Variants in LDLRAD4 observed in about 807,000 individuals in gnomAD.
The protein encoded by LDLRAD4 is low-density lipoprotein receptor class A domain-containing protein 4.
LDLRAD4 carries 5 observed loss-of-function variants against 17.0 expected under a neutral mutation model. That is an observed-to-expected ratio of 0.29 (90% CI 0.15 to 0.62). The LOEUF (loss-of-function observed/expected upper bound fraction) is 0.62, where lower values mean the gene tolerates loss of function less well. LDLRAD4 is among the 20% of genes least tolerant of loss of function. The pLI, the probability that LDLRAD4 is intolerant of heterozygous loss-of-function variation, is 0.84. For missense variants in LDLRAD4, 340 were observed against 424.7 expected (o/e 0.80, Z 1.75); for synonymous variants, 168 against 171.8 (o/e 0.98, Z 0.17).
intron 3 of LDLRAD4, among the ~76,000 whole-genome samples, chr18:13,567,033 C>A (rs529863051): frequency 6.6e-6 from 1 of 152,314 alleles, no homozygotes; most frequent in South Asian, 2.1e-4. Context: ...AGCCTAGAAC[C>A]AAGCCGCGCC....
intron 3 of LDLRAD4, among the ~76,000 whole-genome samples, chr18:13,462,450 G>T (rs1356104416): frequency 1.3e-5 from 2 of 152,174 alleles, no homozygotes. Context: ...CACACAGCCA[G>T]GTAGGGGGCT....
chr18:13,558,028 C>A (rs1160001885), intron 3 of LDLRAD4, among the ~76,000 whole-genome samples: 1 of 152,164 alleles, frequency 6.6e-6, no homozygotes, highest in Non-Finnish European at 1.5e-5. Flanking sequence ...CTTTGATTGG[C>A]ACTTTAAAAG....
chr18:13,633,960 G>C (rs968281957), intron 4 of LDLRAD4, among the ~76,000 whole-genome samples: 1 of 152,212 alleles, frequency 6.6e-6, no homozygotes, highest in Non-Finnish European at 1.5e-5. Flanking sequence ...CTTCACAGCA[G>C]CTGCTCCAGA....
chr18:13,272,670 G>A (rs143447973), intron 1 of LDLRAD4, among the ~76,000 whole-genome samples: 63 of 152,356 alleles, frequency 4.1e-4, no homozygotes, highest in Non-Finnish European at 6.6e-4. Flanking sequence ...AGGCGGTCAT[G>A]CTTTAGGCTG....
chr18:13,266,717 C>T (rs1390322364), intron 1 of LDLRAD4, among the ~76,000 whole-genome samples: 1 of 152,268 alleles, frequency 6.6e-6, no homozygotes. Context: ...GCAAGCCCAG[C>T]ACCGCAGTCC....
chr18:13,576,245 A>T (rs924242727), intron 3 of LDLRAD4, among the ~76,000 whole-genome samples: 2 of 152,064 alleles, frequency 1.3e-5, no homozygotes, highest in African/African-American at 4.8e-5. Context: ...AACACGGGGA[A>T]ACCTGTCTCT....
At chr18:13,523,458 C>T (rs1479708985) in intron 3 of LDLRAD4, among the ~76,000 whole-genome samples, 1 of 152,214 alleles carries the variant, frequency 6.6e-6, no homozygotes, top group African/African-American at 2.4e-5. Context: ...GCTGACGGTA[C>T]AGGCGAATGC....
intron 3 of LDLRAD4, among the ~76,000 whole-genome samples, chr18:13,535,882 TTTCAGCTC>T: frequency 6.6e-6 from 1 of 152,340 alleles, no homozygotes; most frequent in South Asian, 2.1e-4. Flanking sequence ...GATACAATTG[TTTCAGCTC>T]CATTTGGTGA....
chr18:13,587,616 T>G (rs537473507), intron 3 of LDLRAD4, among the ~76,000 whole-genome samples: 1 of 152,214 alleles, frequency 6.6e-6, no homozygotes, highest in South Asian at 2.1e-4. Context: ...CCACCTCCAA[T>G]AGACACATGA....
At chr18:13,521,008 T>C (rs2093944986) in intron 3 of LDLRAD4, 1 of 152,228 alleles carries the variant, frequency 6.6e-6, no homozygotes, top group Non-Finnish European at 1.5e-5. Flanking sequence ...GACTCGCCAT[T>C]GGAGGTAGCC....
chr18:13,464,236 G>T (rs1288086489), intron 3 of LDLRAD4, among the ~76,000 whole-genome samples: 2 of 152,162 alleles, frequency 1.3e-5, no homozygotes, highest in Non-Finnish European at 2.9e-5. Flanking sequence ...TATCTGTTTG[G>T]CCACATTTTC....
Position 13,300,711 on chromosome 18 carries a change from G to A in LDLRAD4, c.-383+22523G>A, listed in dbSNP as rs2046543727. ...CTTGGTGGCGTTCACACTAAGAAGT[G>A]TCAGAGTGGGCAGAGGGAATGCATT... is the stretch of plus-strand genomic sequence containing the variant. On this transcript the variant is annotated intron_variant, in intron 1 of 5. Transcript: ENST00000359446. This position sits in a 1 kb window ranked among gnomAD's most constrained non-coding sequence, Gnocchi z 4.2. Among the ~76,000 whole-genome samples, 1 of 152,226 alleles carries A rather than the reference G, an allele frequency of 6.6e-6. No individual in the cohort carries two copies. Among genetic ancestry groups the A allele is most frequent in the African/African-American group, 2.4e-5 (1 of 41,460 alleles).
Position 13,565,323 on chromosome 18 carries a change from C to T in LDLRAD4, c.182-55794C>T, listed in dbSNP as rs74864830. Among the ~76,000 whole-genome samples the T allele has an allele frequency of 4.6e-3, 698 of 152,316 alleles. 4 individuals are homozygous for T. The highest frequency in any genetic ancestry group is 0.016 in the African/African-American group (670 of 41,574). On this transcript the variant is annotated intron_variant, in intron 3 of 5. Transcript: ENST00000359446. ...CCCTGATCCCAGACAGCCCCTGTGA[C>T]GGGCCTTTGTGCTGTGAGGGCCTGA...
chr18:13,612,385 A>G, intron 3 of LDLRAD4: 1 of 1,186,154 alleles, frequency 8.4e-7, no homozygotes, highest in Non-Finnish European at 1.1e-6. Context: ...CTGCTCGGTG[A>G]CACGGCCGGC....
At chr18:13,554,964 G>A (rs1172947869) in intron 3 of LDLRAD4, among the ~76,000 whole-genome samples, 1 of 152,302 alleles carries the variant, frequency 6.6e-6, no homozygotes, top group Non-Finnish European at 1.5e-5. Flanking sequence ...GCTATAATGT[G>A]CCGGAAGTGA....
At chr18:13,380,526 C>G (rs72874837) in intron 1 of LDLRAD4, among the ~76,000 whole-genome samples, 5,640 of 152,244 alleles carry the variant, frequency 0.037, 167 homozygotes, top group Non-Finnish European at 0.054. Flanking sequence ...ATATATGACT[C>G]CTTGCGGCTT....
chr18:13,353,830 T>C (rs928729498), intron 1 of LDLRAD4, among the ~76,000 whole-genome samples: 6 of 152,248 alleles, frequency 3.9e-5, no homozygotes, highest in African/African-American at 1.2e-4. Flanking sequence ...GAATGTGGCT[T>C]CTTCAGTAGG....
At chr18:13,469,507 A>G (rs2092711642) in intron 3 of LDLRAD4, among the ~76,000 whole-genome samples, 1 of 152,248 alleles carries the variant, frequency 6.6e-6, no homozygotes, top group African/African-American at 2.4e-5. Context: ...TGATGAAGAG[A>G]TAAAAAATGT....
chr18:13,545,042 T>A (rs1187646304), intron 3 of LDLRAD4, among the ~76,000 whole-genome samples: 1 of 152,100 alleles, frequency 6.6e-6, no homozygotes. Flanking sequence ...AGTCCCAAAG[T>A]TTTAACGGCC....
Sources: allele counts gnomAD v4.1 joint callset (sites outside exome capture counted in the v4.1 genomes callset), GRCh38; gene constraint gnomAD v4.1.1; non-coding constraint Gnocchi (gnomAD v3.1); transcripts MANE v1.5; gene names NCBI Gene and HGNC (gene_info 2026-07-23, HGNC 2026-07-21).